Variants in NOCT observed in about 807,000 individuals in gnomAD.
The protein encoded by NOCT is nocturnin, also known as CCR4 carbon catabolite repression 4-like.
Under a neutral mutation model 35.0 loss-of-function variants are expected in NOCT, and 18 were observed. The observed-to-expected ratio is 0.51, with a 90% CI of 0.36 to 0.76. NOCT has a LOEUF of 0.76. Ranked by LOEUF, NOCT falls within the 30% of genes least tolerant of loss-of-function variation. The probability of loss-of-function intolerance (pLI) is 0.01; values close to 1 mark genes in which losing one functional copy is unlikely to be tolerated. For synonymous variants in NOCT, 235 were observed against 226.3 expected (o/e 1.04, Z -0.34); for missense variants, 479 against 541.0 (o/e 0.89, Z 1.14).
At chr4:139,016,691 T>C (rs1249104253) in intron 1 of NOCT, among the ~76,000 whole-genome samples, 1 of 110,474 alleles carries the variant, frequency 9.1e-6, no homozygotes, top group Non-Finnish European at 1.7e-5. Context: ...TCTCACTGTG[T>C]CACCCAGGCT....
At position 139,044,710 on chromosome 4, in the gene NOCT, C is replaced by T; in HGVS notation, c.532C>T (p.Leu178Phe). The T allele has an allele frequency of 1.9e-6, 3 of 1,614,190 alleles. No homozygotes were observed. The highest frequency in any genetic ancestry group is 2.5e-6 in the Non-Finnish European group (3 of 1,180,032). ...EALKWEERKC[L>F]ILEEILAYQP... is the part of the protein sequence containing the mutation. ...ACTCAAATGGGAAGAAAGGAAATGTCTCATCCTGGAAGAAATCCTGGCCTA... is the reference window on the plus strand; with the variant it reads ...ACTCAAATGGGAAGAAAGGAAATGTTTCATCCTGGAAGAAATCCTGGCCTA... The change falls in exon 3 of 3, where the codon CTC (leucine) becomes TTC (phenylalanine). Residue 178 changes from leucine (L) to phenylalanine (F), a missense_variant. Physicochemically the swap from Leu to Phe is conservative, Grantham distance 22. Around this residue, in one of 2 missense-constraint regions of NOCT, gnomAD observed 265 missense variants for 257.0 expected, o/e 1.03. Coordinates refer to ENST00000280614, the MANE Select transcript of NOCT (RefSeq NM_012118.4).
At chr4:139,038,999 G>T (rs1049821365) in intron 1 of NOCT, among the ~76,000 whole-genome samples, 2 of 151,890 alleles carry the variant, frequency 1.3e-5, no homozygotes, top group Admixed American at 6.6e-5. Flanking sequence ...TAATGTATTC[G>T]TGAGTGTGTG....
intron 1 of NOCT, among the ~76,000 whole-genome samples, chr4:139,026,553 CTTT>C (rs112368628): frequency 7.1e-6 from 1 of 140,534 alleles, no homozygotes; most frequent in Admixed American, 7.1e-5. Flanking sequence ...TTTCATACTT[CTTT>C]TTTTTTTTTT....
At chr4:139,027,181 CT>C (rs909897308) in intron 1 of NOCT, among the ~76,000 whole-genome samples, 7 of 93,984 alleles carry the variant, frequency 7.4e-5, no homozygotes, top group East Asian at 3.1e-4. Flanking sequence ...CGCCCGGCCT[CT>C]TTTTTTTTTT....
intron 1 of NOCT, among the ~76,000 whole-genome samples, chr4:139,031,761 G>A (rs1726628459): frequency 1.3e-5 from 2 of 152,044 alleles, no homozygotes; most frequent in African/African-American, 2.4e-5. Context: ...TGCCCAGGCT[G>A]GAGTGCAGTG....
intron 1 of NOCT, among the ~76,000 whole-genome samples, chr4:139,029,830 G>T (rs552028090): frequency 2.4e-4 from 37 of 152,256 alleles, no homozygotes; most frequent in African/African-American, 8.7e-4. Context: ...GTGTCACATT[G>T]TTTGAGTTTT....
At position 139,036,538 on chromosome 4, in the gene NOCT, G is replaced by A. The variant is rs557991221; in HGVS notation, c.191-6536G>A. ...CTTCATATCTAAATCCTATTTTTTC[G>A]AAGTCCTTTTCTGGTTACTCTTATC... On this transcript the variant is annotated intron_variant, in intron 1 of 2. Coordinates refer to ENST00000280614, the MANE Select transcript of NOCT (RefSeq NM_012118.4). Among the ~76,000 whole-genome samples, 41 of 152,198 alleles carry A rather than the reference G, an allele frequency of 2.7e-4. 1 individual carries two copies. Among genetic ancestry groups the A allele is most frequent in the East Asian group, 1.9e-4 (1 of 5,182 alleles).
intron 1 of NOCT, among the ~76,000 whole-genome samples, chr4:139,030,958 T>G (rs1228779139): frequency 4.6e-5 from 7 of 152,170 alleles, no homozygotes; most frequent in African/African-American, 1.7e-4. Flanking sequence ...GTACTCAAGA[T>G]AATCCTGGCT....
intron 1 of NOCT, among the ~76,000 whole-genome samples, chr4:139,024,008 G>C (rs971155207): frequency 2.2e-4 from 32 of 143,876 alleles, no homozygotes; most frequent in African/African-American, 8.0e-4. Flanking sequence ...CTGTTAGATT[G>C]TTGGCCATAT....
intron 1 of NOCT, among the ~76,000 whole-genome samples, chr4:139,037,938 C>T (rs1293904228): frequency 6.6e-6 from 1 of 150,550 alleles, no homozygotes; most frequent in Non-Finnish European, 1.5e-5. Context: ...TGGTGGCTCA[C>T]GCCTATAATT....
chr4:139,016,261 G>A (rs1223128378), intron 1 of NOCT, 90 bp downstream of exon 1: 3 of 852,726 alleles, frequency 3.5e-6, no homozygotes, highest in African/African-American at 1.8e-5. Context: ...TGAGAAGCCC[G>A]GGGCTGCCGG....
chr4:139,021,255 G>A (rs571936355), intron 1 of NOCT, among the ~76,000 whole-genome samples: 6 of 152,078 alleles, frequency 3.9e-5, no homozygotes, highest in Non-Finnish European at 2.9e-5. Context: ...TCCCGCCTCA[G>A]CCATCCAAAA....
intron 1 of NOCT, among the ~76,000 whole-genome samples, chr4:139,030,973 C>A (rs1223099275): frequency 6.6e-6 from 1 of 152,052 alleles, no homozygotes; most frequent in South Asian, 2.1e-4. Context: ...CTGGCTTTTG[C>A]TTGGTTTTTA....
At chr4:139,030,878 T>G (rs937102455) in intron 1 of NOCT, among the ~76,000 whole-genome samples, 3 of 152,146 alleles carry the variant, frequency 2.0e-5, no homozygotes, top group African/African-American at 4.8e-5. Context: ...TGGCTTAGTT[T>G]TTGTGTGTTG....
chr4:139,041,155 G>A (rs1426400472), intron 1 of NOCT, among the ~76,000 whole-genome samples: 1 of 152,112 alleles, frequency 6.6e-6, no homozygotes, highest in African/African-American at 2.4e-5. Flanking sequence ...TTTCTTACTG[G>A]AGGGAAAAAC....
chr4:139,022,768 C>T (rs1288423254), intron 1 of NOCT, among the ~76,000 whole-genome samples: 2 of 152,146 alleles, frequency 1.3e-5, no homozygotes, highest in Admixed American at 6.6e-5. Flanking sequence ...TGCTCTTGAG[C>T]TCTTGGCAAG....
At chr4:139,037,481 G>A (rs1018143522) in intron 1 of NOCT, among the ~76,000 whole-genome samples, 4 of 151,916 alleles carry the variant, frequency 2.6e-5, no homozygotes, top group African/African-American at 9.7e-5. Context: ...TGTTGCCCAG[G>A]CTGGTCTCGA....
intron 1 of NOCT, among the ~76,000 whole-genome samples, chr4:139,025,159 T>G (rs1267511849): frequency 6.6e-6 from 1 of 152,198 alleles, no homozygotes; most frequent in East Asian, 1.9e-4. Flanking sequence ...TCACCCATTT[T>G]CTTTGGGGTA....
intron 2 of NOCT, 145 bp from the exon 3 acceptor site, chr4:139,044,494 G>A: frequency 1.7e-6 from 1 of 605,660 alleles, no homozygotes. Context: ...AGTTTGGATG[G>A]GGTAATACAG....
Sources: gnomAD v4.1 joint callset for allele counts (sites outside exome capture counted in the v4.1 genomes callset) on GRCh38, gnomAD v4.1.1 for gene constraint, gnomAD v4.1.1 regional missense constraint, MANE v1.5 for transcripts, NCBI Gene and HGNC (gene_info 2026-07-23, HGNC 2026-07-21) for gene names.